Variants in POTEF observed in about 807,000 individuals in gnomAD.
POTEF encodes the protein POTE ankyrin domain family member F.
Under a neutral mutation model 83.2 loss-of-function variants are expected in POTEF, and 20 were observed. The ratio of observed to expected loss-of-function variants is 0.24; its 90% CI spans 0.17 to 0.35. The LOEUF is 0.35. Ranked by LOEUF, POTEF falls within the 10% of genes least tolerant of loss-of-function variation. The pLI, the probability that POTEF is intolerant of heterozygous loss-of-function variation, is 1.00. For synonymous variants in POTEF, 196 were observed against 446.4 expected (o/e 0.44, Z 7.07); for missense variants, 550 against 1,203.2 (o/e 0.46, Z 8.03).
rs1020551 is a variant in POTEF, at chr2:130,128,369, C to T, written c.-249-505G>A. Among the ~76,000 whole-genome samples the T allele has an allele frequency of 4.3e-3, 593 of 137,948 alleles. 7 individuals are homozygous for T. Among genetic ancestry groups the T allele is most frequent in the Admixed American group, 0.019 (251 of 13,484 alleles). The allele number at this position is 137,948 out of a possible 152,430, so 90.5% of individuals were successfully genotyped here. A position where few individuals can be genotyped will look rare whatever the true frequency, so the allele number is the denominator to read the frequency against. ...TCTGGAGTCTGGAAAAGAGAAGAGT[C>T]ACCCGAAGGAGCAAGGAGACCATGG... On this transcript the variant is annotated intron_variant, in intron 1 of 16. Transcript: ENST00000409914.
intron 8 of POTEF, chr2:130,107,641 T>A (rs972327951): frequency 9.7e-5 from 29 of 299,562 alleles, no homozygotes; most frequent in Non-Finnish European, 1.7e-4. Flanking sequence ...TAGATACTCA[T>A]TGGAGCATGA....
chr2:130,108,497 T>C (rs1440197768), intron 7 of POTEF, among the ~76,000 whole-genome samples: 2 of 151,702 alleles, frequency 1.3e-5, no homozygotes, highest in Admixed American at 1.3e-4. Context: ...AGATAACATT[T>C]TTTAAATGCT....
chr2:130,120,308 G>A lies in POTEF; in HGVS notation c.208C>T (p.Pro70Ser). The change falls in exon 3 of 17, where the codon CCC becomes TCC. Residue 70 changes from proline (P) to serine (S), a missense_variant. By Grantham distance (74) the Pro-to-Ser change is moderately conservative. Coordinates refer to ENST00000409914, the MANE Select transcript of POTEF (RefSeq NM_001099771.2). Reference protein sequence around the residue: ...KMGKWCRHCFPCCRGSGKSNV... With the variant: ...KMGKWCRHCFSCCRGSGKSNV... ...CTCTTGCCACTCCCCCTGCAGCAGG[G>A]GAAGCAGTGGCGGCACCACTTGCCC... The A allele has an allele frequency of 6.2e-7, 1 of 1,606,230 alleles. No individual in the cohort carries two copies. The highest frequency in any genetic ancestry group is 8.5e-7 in the Non-Finnish European group (1 of 1,179,160).
chr2:130,113,402 C>T (rs1684763165), intron 5 of POTEF, among the ~76,000 whole-genome samples: 1 of 137,936 alleles, frequency 7.2e-6, no homozygotes, highest in Non-Finnish European at 1.5e-5. Flanking sequence ...AGCACATATC[C>T]AACCCCAACT....
At chr2:130,118,296 C>A (rs1684893716) in intron 3 of POTEF, among the ~76,000 whole-genome samples, 1 of 151,932 alleles carries the variant, frequency 6.6e-6, no homozygotes. Context: ...TTCTAACTTA[C>A]ATTCCTTCTT....
intron 15 of POTEF, among the ~76,000 whole-genome samples, chr2:130,080,143 TGCGGGGG>T (rs1558881209): frequency 1.9e-4 from 1 of 5,322 alleles, no homozygotes; most frequent in African/African-American, 6.1e-4. Flanking sequence ...GCCAAACTAT[TGCGGGGG>T]GGGGGGGGGG....
chr2:130,122,817 C>T lies in POTEF; in HGVS notation c.-93-2209G>A, dbSNP rs1002319368. On this transcript the variant is annotated intron_variant, in intron 2 of 16. Transcript: ENST00000409914. ...TTTGTTGCTATTATAAATGGAATTA[C>T]CTTATTTTTCAGATAACAGTTTGTC... Among the ~76,000 whole-genome samples, 10 of 151,544 alleles carry T rather than the reference C, an allele frequency of 6.6e-5. 1 individual carries two copies. The highest frequency in any genetic ancestry group is 2.4e-4 in the African/African-American group (10 of 41,046).
At chr2:130,123,027 G>T (rs1310557603) in intron 2 of POTEF, among the ~76,000 whole-genome samples, 1 of 131,924 alleles carries the variant, frequency 7.6e-6, no homozygotes, top group African/African-American at 2.9e-5. Context: ...TACATATAAC[G>T]TTCTCAGCAT....
chr2:130,122,972 T>A, intron 2 of POTEF, among the ~76,000 whole-genome samples: 1 of 143,388 alleles, frequency 7.0e-6, no homozygotes, highest in Non-Finnish European at 1.5e-5. Context: ...CCTATTTAGA[T>A]GCCTTTCCTT....
At chr2:130,116,188 C>T (rs1684839327) in intron 3 of POTEF, among the ~76,000 whole-genome samples, 1 of 151,568 alleles carries the variant, frequency 6.6e-6, no homozygotes. Flanking sequence ...CCAAAGAAAA[C>T]CTGGAATTCA....
intron 3 of POTEF, among the ~76,000 whole-genome samples, chr2:130,118,103 G>C (rs376279484): frequency 6.6e-5 from 10 of 151,766 alleles, no homozygotes; most frequent in African/African-American, 2.4e-4. Context: ...ACCATGCCCA[G>C]CTAATTTTTT....
rs11682090 is a variant in POTEF, at chr2:130,093,070, A to T, written c.1480+368T>A. ...ATCAGTGATAGCATTAGATACTCAT[A>T]GGAGCATGAACCCTGTTGTGAACTG... On this transcript the variant is annotated intron_variant, in intron 12 of 16. Coordinates refer to ENST00000409914, the MANE Select transcript of POTEF (RefSeq NM_001099771.2). 5.5e-4 allele frequency among the ~76,000 whole-genome samples: 76 copies of T among 138,996 alleles called. 2 individuals carry two copies. Among genetic ancestry groups the T allele is most frequent in the African/African-American group, 1.5e-3 (53 of 35,872 alleles). 91.2% of individuals were successfully genotyped at this position (138,996 alleles called of 152,430 possible).
chr2:130,105,131 T>C (rs983316686), intron 8 of POTEF, among the ~76,000 whole-genome samples: 1 of 141,616 alleles, frequency 7.1e-6, no homozygotes, highest in African/African-American at 2.7e-5. Flanking sequence ...CAATTATCAC[T>C]AAATCATATT....
At chr2:130,108,975 G>A (rs955792966) in intron 7 of POTEF, among the ~76,000 whole-genome samples, 29 of 151,406 alleles carry the variant, frequency 1.9e-4, no homozygotes, top group Admixed American at 5.3e-4. Flanking sequence ...TAGTTTCCAC[G>A]GAGAAGTAGC....
intron 9 of POTEF, among the ~76,000 whole-genome samples, chr2:130,101,241 CAGAA>C (rs1169292152): frequency 6.7e-6 from 1 of 149,728 alleles, no homozygotes; most frequent in African/African-American, 2.5e-5. Flanking sequence ...CAACACCAAA[CAGAA>C]AGAGATGCAA....
chr2:130,113,663 C>T (rs1684770081), intron 5 of POTEF, among the ~76,000 whole-genome samples: 1 of 133,260 alleles, frequency 7.5e-6, no homozygotes, highest in South Asian at 2.5e-4. Context: ...CCATGCCTGG[C>T]TTCAAGGAAA....
rs370408697 is a variant in POTEF, at chr2:130,100,787, G to A, written c.1198-67C>T. Reference sequence around the variant, plus strand: ...TCTGTGATGTGTCCTCTTTTGGAGCGCATGTTTTAAAAAAATTTTATTCTT... The same window carrying A: ...TCTGTGATGTGTCCTCTTTTGGAGCACATGTTTTAAAAAAATTTTATTCTT... On this transcript the variant is annotated intron_variant, in intron 9 of 16. Transcript: ENST00000409914. The A allele has an allele frequency of 3.0e-4, 468 of 1,554,804 alleles. 8 individuals are homozygous for A. The South Asian group carries it at 4.8e-3, about 16-fold the overall frequency.
chr2:130,083,328 C>G (rs965721017), intron 15 of POTEF, among the ~76,000 whole-genome samples: 1 of 152,024 alleles, frequency 6.6e-6, no homozygotes, highest in Non-Finnish European at 1.5e-5. Context: ...AAGTGAGACT[C>G]TGTCTTAAAA....
chr2:130,092,928 G>C (rs1684165049), intron 12 of POTEF, among the ~76,000 whole-genome samples: 1 of 85,154 alleles, frequency 1.2e-5, no homozygotes, highest in African/African-American at 5.7e-5. Flanking sequence ...TCCACGGTCT[G>C]TGAGGAACCA....
Sources: gnomAD v4.1 joint callset for allele counts (sites outside exome capture counted in the v4.1 genomes callset) on GRCh38, gnomAD v4.1.1 for gene constraint, MANE v1.5 for transcripts, NCBI Gene and HGNC (gene_info 2026-07-23, HGNC 2026-07-21) for gene names.